Variants in RSBN1L observed in about 807,000 individuals in gnomAD.
RSBN1L encodes round spermatid basic protein 1 like, also known as lysine-specific demethylase RSBN1L.
A neutral mutation model predicts 67.7 loss-of-function variants in RSBN1L; 30 were observed. That is an observed-to-expected ratio of 0.44 (90% CI 0.33 to 0.60). RSBN1L has a LOEUF of 0.60. Among genes scored for constraint, RSBN1L ranks in the 20% least tolerant of loss-of-function variants. The pLI is 0.02. For synonymous variants in RSBN1L, 433 were observed against 387.0 expected, an observed-to-expected ratio of 1.12 and a Z score of -1.39; for missense variants, 992 against 1,031.7, an observed-to-expected ratio of 0.96 and a Z score of 0.53.
At chr7:77,750,124 G>C (rs1440835450) in intron 3 of RSBN1L, 60 bp downstream of exon 3, 1 of 1,043,944 alleles carries the variant, frequency 9.6e-7, no homozygotes, top group African/African-American at 1.6e-5. Flanking sequence ...ATGAGTTTCT[G>C]TTTTTTGTTC....
chr7:77,765,469 TTTTAA>T, intron 3 of RSBN1L, 21 bp from the exon 4 acceptor site: 1 of 1,509,574 alleles, frequency 6.6e-7, no homozygotes, highest in Non-Finnish European at 8.9e-7. Context: ...CGTATTTAAC[TTTTAA>T]TTAAATCCAT....
At chr7:77,701,173 AC>A (rs1562791783) in intron 1 of RSBN1L, among the ~76,000 whole-genome samples, 44 of 132,298 alleles carry the variant, frequency 3.3e-4, no homozygotes, top group African/African-American at 9.1e-4. Context: ...AAAAAAAACA[AC>A]AACAACAACA....
At chr7:77,727,851 A>G (rs1037928106) in intron 1 of RSBN1L, among the ~76,000 whole-genome samples, 44 of 152,144 alleles carry the variant, frequency 2.9e-4, no homozygotes, top group African/African-American at 9.6e-4. Context: ...GCTTATAATG[A>G]CTCTGCAAAT....
chr7:77,752,986 TG>T (rs1370934476), intron 3 of RSBN1L, among the ~76,000 whole-genome samples: 1 of 152,248 alleles, frequency 6.6e-6, no homozygotes, highest in Non-Finnish European at 1.5e-5. Context: ...GTGGTACTGC[TG>T]TATGGTATTC....
chr7:77,768,817 A>C lies in RSBN1L; in HGVS notation c.1625+14A>C. The C allele has an allele frequency of 6.2e-7, 1 of 1,612,326 alleles. No individual in the cohort carries two copies. The highest frequency in any genetic ancestry group is 8.5e-7 in the Non-Finnish European group (1 of 1,178,512). The stretch of plus-strand genomic sequence containing the variant: ...CAAAAGGAAAAGGTATGTTGTATAC[A>C]CATTTTTATTGGAGGGGATGAGTGT... On this transcript the variant is annotated intron_variant, in intron 5 of 7. Coordinates refer to ENST00000334955, the MANE Select transcript of RSBN1L (RefSeq NM_198467.3).
chr7:77,769,557 A>G (rs964731648), intron 5 of RSBN1L, among the ~76,000 whole-genome samples: 3 of 152,200 alleles, frequency 2.0e-5, no homozygotes, highest in African/African-American at 7.2e-5. Flanking sequence ...CCTGGAGGAG[A>G]CCTTCCTAAG....
intron 1 of RSBN1L, among the ~76,000 whole-genome samples, chr7:77,708,364 T>G (rs575368513): frequency 1.3e-3 from 188 of 150,288 alleles, no homozygotes; most frequent in African/African-American, 4.2e-3. Flanking sequence ...CAGTGTGCCT[T>G]CCTTTTGCCA....
intron 2 of RSBN1L, among the ~76,000 whole-genome samples, chr7:77,744,068 G>A (rs540879543): frequency 6.6e-6 from 1 of 151,116 alleles, no homozygotes; most frequent in East Asian, 2.0e-4. Flanking sequence ...TTTTTTCTCT[G>A]TTGCCTTGGC....
chr7:77,771,713 T>C (rs1261892029), intron 5 of RSBN1L, among the ~76,000 whole-genome samples: 1 of 152,130 alleles, frequency 6.6e-6, no homozygotes, highest in African/African-American at 2.4e-5. Flanking sequence ...TTTCGCCGTT[T>C]TGGCCAGGCT....
intron 3 of RSBN1L, among the ~76,000 whole-genome samples, chr7:77,752,005 A>C (rs1791562306): frequency 6.6e-6 from 1 of 152,236 alleles, no homozygotes; most frequent in South Asian, 2.1e-4. Flanking sequence ...TTTTCAAATA[A>C]GTTTAGGAAT....
chr7:77,755,538 C>G (rs956999523), intron 3 of RSBN1L, among the ~76,000 whole-genome samples: 2 of 151,914 alleles, frequency 1.3e-5, no homozygotes, highest in Admixed American at 1.3e-4. Flanking sequence ...TGGTGGTGGG[C>G]ACCTGTAATC....
intron 5 of RSBN1L, among the ~76,000 whole-genome samples, chr7:77,770,304 G>C (rs1422344050): frequency 6.6e-6 from 1 of 152,128 alleles, no homozygotes; most frequent in Non-Finnish European, 1.5e-5. Flanking sequence ...GAGCCTGGGA[G>C]ATAGAGGTTG....
chr7:77,765,970 G>A (rs1791761115), intron 4 of RSBN1L, among the ~76,000 whole-genome samples: 1 of 152,102 alleles, frequency 6.6e-6, no homozygotes, highest in East Asian at 1.9e-4. Flanking sequence ...AAGTACTAAA[G>A]GACTTAAGAA....
At chr7:77,733,117 G>C (rs1791292127) in intron 1 of RSBN1L, among the ~76,000 whole-genome samples, 1 of 152,118 alleles carries the variant, frequency 6.6e-6, no homozygotes, top group African/African-American at 2.4e-5. Context: ...AACATAGCGA[G>C]ACCCTGTCTC....
intron 1 of RSBN1L, among the ~76,000 whole-genome samples, chr7:77,721,031 C>G (rs532041910): frequency 3.9e-5 from 6 of 152,080 alleles, no homozygotes; most frequent in African/African-American, 1.4e-4. Flanking sequence ...GGTGAGCCAC[C>G]GTGCCCAGCC....
rs1790729340 is a variant in RSBN1L, at chr7:77,696,604, C to T, written c.135C>T (p.Val45=). 1.9e-6 allele frequency: 3 copies of T among 1,613,970 alleles called. No individual in the cohort carries two copies. In the African/African-American group the frequency reaches 4.0e-5, roughly 22 times the overall value. The change falls in exon 1 of 8, where the codon GTC becomes GTT. Residue 45 remains valine (V), a synonymous_variant. Coordinates refer to ENST00000334955, the MANE Select transcript of RSBN1L (RefSeq NM_198467.3). ...CGGGTTCTCTGTCCGCCAAGAAGGT[C>T]CGGACTGAGGAGAAGAAGGCACCGC... ...DPPGSLSAKK[V]RTEEKKAPRR... is the part of the protein sequence containing the mutation.
At chr7:77,739,050 T>C (rs935193992) in intron 2 of RSBN1L, among the ~76,000 whole-genome samples, 3 of 152,212 alleles carry the variant, frequency 2.0e-5, no homozygotes, top group African/African-American at 2.4e-5. Flanking sequence ...AAAACAGTGC[T>C]TGTCGCATTG....
At chr7:77,732,809 C>T (rs2150419802) in intron 1 of RSBN1L, among the ~76,000 whole-genome samples, 1 of 152,286 alleles carries the variant, frequency 6.6e-6, no homozygotes, top group Non-Finnish European at 1.5e-5. Flanking sequence ...CAAACTGCCT[C>T]AGTATGTATT....
rs964975940 is a variant in RSBN1L, at chr7:77,782,487, A to G, written c.*3319A>G. 2 of 152,198 alleles carry G rather than the reference A, an allele frequency of 1.3e-5. No individual in the cohort carries two copies. Among genetic ancestry groups the G allele is most frequent in the Non-Finnish European group, 1.5e-5 (1 of 68,042 alleles). The allele number at this position is 152,198 out of a possible 1,614,324, so 9.4% of individuals were successfully genotyped here. A position where few individuals can be genotyped will look rare whatever the true frequency, so the allele number is the denominator to read the frequency against. On this transcript the variant is annotated 3_prime_UTR_variant, in exon 8 of 8. Coordinates refer to ENST00000334955, the MANE Select transcript of RSBN1L (RefSeq NM_198467.3). ...CCATACTCAGGATAGCTGGTTAGCTAGCAAAAGAATTAACATTTGTGATAT... is the reference window on the plus strand; with the variant it reads ...CCATACTCAGGATAGCTGGTTAGCTGGCAAAAGAATTAACATTTGTGATAT...
Sources: gnomAD v4.1 joint callset for allele counts (sites outside exome capture counted in the v4.1 genomes callset) on GRCh38, gnomAD v4.1.1 for gene constraint, MANE v1.5 for transcripts, NCBI Gene and HGNC (gene_info 2026-07-23, HGNC 2026-07-21) for gene names.